The following SLIT2 variants were observed in gnomAD, a reference collection of about 807,000 sequenced individuals.
The protein encoded by SLIT2 is slit homolog 2 protein.
In SLIT2, 41 loss-of-function variants were observed where a neutral mutation model predicts 185.7. The ratio of observed to expected loss-of-function variants is 0.22; its 90% confidence interval spans 0.17 to 0.29. The LOEUF is 0.29. Among genes scored for constraint, SLIT2 ranks in the 10% least tolerant of loss-of-function variants. The probability of loss-of-function intolerance (pLI) is 1.00; values close to 1 mark genes in which losing one functional copy is unlikely to be tolerated. For missense variants in SLIT2, 1,571 were observed against 1,909.0 expected (o/e 0.82, Z 3.30); for synonymous variants, 693 against 680.2 (o/e 1.02, Z -0.29).
At chr4:20,515,824 T>G (rs1720153888) in intron 11 of SLIT2, among the ~76,000 whole-genome samples, 1 of 152,318 alleles carries the variant, frequency 6.6e-6, no homozygotes, top group Non-Finnish European at 1.5e-5. Context: ...TTCTGCCAGC[T>G]TTCTTTTTTG....
chr4:20,617,698 G>T, intron 36 of SLIT2, 48 bp downstream of exon 36: 1 of 1,318,036 alleles, frequency 7.6e-7, no homozygotes. Context: ...AAGCAAGAGG[G>T]GTCCCATGTC....
chr4:20,547,856 A>G (rs551013003), intron 22 of SLIT2, among the ~76,000 whole-genome samples: 8 of 152,144 alleles, frequency 5.3e-5, no homozygotes, highest in Admixed American at 1.3e-4. Flanking sequence ...TAAAAATTCA[A>G]CGTCTCTCCC....
intron 4 of SLIT2, among the ~76,000 whole-genome samples, chr4:20,419,418 A>G (rs979532811): frequency 2.3e-4 from 35 of 152,070 alleles, no homozygotes; most frequent in African/African-American, 8.5e-4. Flanking sequence ...TTCTACCTGG[A>G]TTAATGTGAC....
chr4:20,436,298 G>A (rs781134204), intron 4 of SLIT2, among the ~76,000 whole-genome samples: 1 of 152,166 alleles, frequency 6.6e-6, no homozygotes, highest in Non-Finnish European at 1.5e-5. Flanking sequence ...CTATATGCTT[G>A]TTAGGCAAAC....
intron 4 of SLIT2, among the ~76,000 whole-genome samples, chr4:20,369,962 G>A (rs565614940): frequency 2.0e-4 from 30 of 152,104 alleles, no homozygotes; most frequent in Non-Finnish European, 3.2e-4. Flanking sequence ...CTTTCCTTAC[G>A]TGAATGATTC....
intron 29 of SLIT2, among the ~76,000 whole-genome samples, chr4:20,572,279 C>T (rs761276729): frequency 2.6e-4 from 40 of 152,166 alleles, no homozygotes; most frequent in Admixed American, 1.1e-3. Flanking sequence ...GCATGACTGC[C>T]GATTACTAGT....
chr4:20,501,423 CTA>C (rs1718724694), intron 9 of SLIT2, among the ~76,000 whole-genome samples: 1 of 152,088 alleles, frequency 6.6e-6, no homozygotes, highest in African/African-American at 2.4e-5. Flanking sequence ...GTAGCTGGGA[CTA>C]CAAGTGCATG....
At chr4:20,448,664 G>C (rs1438206087) in intron 4 of SLIT2, among the ~76,000 whole-genome samples, 1 of 150,996 alleles carries the variant, frequency 6.6e-6, no homozygotes. Flanking sequence ...TGTGAGACAG[G>C]GTCTTGCTCT....
intron 8 of SLIT2, among the ~76,000 whole-genome samples, chr4:20,490,361 G>C (rs1717669575): frequency 1.3e-5 from 2 of 151,842 alleles, no homozygotes; most frequent in South Asian, 4.2e-4. Flanking sequence ...GAAGTGGTTT[G>C]ATTACATATA....
intron 3 of SLIT2, among the ~76,000 whole-genome samples, chr4:20,263,621 C>T (rs1370964718): frequency 2.0e-5 from 3 of 151,824 alleles, no homozygotes; most frequent in Admixed American, 6.6e-5. Flanking sequence ...AAATCAGAAA[C>T]GCTAGAAAAG....
At chr4:20,276,676 T>C (rs1312596916) in intron 4 of SLIT2, among the ~76,000 whole-genome samples, 2 of 152,160 alleles carry the variant, frequency 1.3e-5, no homozygotes, top group East Asian at 1.9e-4. Context: ...CCCATCATGA[T>C]AGGTTTCTTC....
At chr4:20,529,136 G>C in intron 16 of SLIT2, 37 bp downstream of exon 16, 1 of 1,515,208 alleles carries the variant, frequency 6.6e-7, no homozygotes, top group Non-Finnish European at 9.0e-7. Context: ...GGTTGGGATG[G>C]AGGGAATGAA....
At chr4:20,279,013 C>G in intron 4 of SLIT2, among the ~76,000 whole-genome samples, 1 of 151,998 alleles carries the variant, frequency 6.6e-6, no homozygotes, top group East Asian at 1.9e-4. Flanking sequence ...TCATACATTC[C>G]TTTTTTGAAA....
At chr4:20,322,437 A>T (rs903077896) in intron 4 of SLIT2, among the ~76,000 whole-genome samples, 1 of 152,172 alleles carries the variant, frequency 6.6e-6, no homozygotes, top group Non-Finnish European at 1.5e-5. Context: ...GATAAGAGAC[A>T]AATGGTTGTC....
intron 33 of SLIT2, among the ~76,000 whole-genome samples, chr4:20,604,630 A>T (rs1728650766): frequency 6.6e-6 from 1 of 151,996 alleles, no homozygotes; most frequent in African/African-American, 2.4e-5. Context: ...TACAGGCGTG[A>T]GCCACTGCGC....
chr4:20,499,377 C>G (rs1179612671), intron 9 of SLIT2, among the ~76,000 whole-genome samples: 1 of 152,106 alleles, frequency 6.6e-6, no homozygotes, highest in Non-Finnish European at 1.5e-5. Flanking sequence ...TACGCTTAAA[C>G]TTTTTGCTTG....
At chr4:20,355,591 C>G (rs1262069245) in intron 4 of SLIT2, among the ~76,000 whole-genome samples, 10 of 152,068 alleles carry the variant, frequency 6.6e-5, no homozygotes, top group Admixed American at 6.6e-4. Context: ...CTAGCAAATG[C>G]AGGTGGTCAT....
chr4:20,595,824 G>A lies in SLIT2; in HGVS notation c.3310G>A (p.Glu1104Lys), dbSNP rs80248215. Residue 1104 changes from glutamate to lysine, a missense_variant, in exon 31 of 37, where the codon GAA (glutamate) becomes AAA (lysine). Glu to Lys is a moderately conservative substitution (Grantham distance 56, BLOSUM62 1). This residue lies in a region of SLIT2 where 1,202 missense variants were observed against 1,416.4 expected (regional missense o/e 0.85). Coordinates refer to ENST00000504154, the MANE Select transcript of SLIT2 (RefSeq NM_004787.4). The stretch of plus-strand genomic sequence containing the variant: ...GAACGGCTATACGTGCATATGCCCC[G>A]AAGGTTACAGGTAAAAGCAGAAATG... ...AVNGYTCICP[E>K]GYSGLFCEFS... is the part of the protein sequence containing the mutation. 1.5e-5 allele frequency: 24 copies of A among 1,613,572 alleles called. No homozygotes were observed. Among genetic ancestry groups the A allele is most frequent in the African/African-American group, 6.7e-5 (5 of 74,998 alleles).
intron 15 of SLIT2, among the ~76,000 whole-genome samples, chr4:20,525,922 C>A (rs556682189): frequency 3.3e-5 from 5 of 152,258 alleles, no homozygotes; most frequent in African/African-American, 1.2e-4. Context: ...AATCGTAACA[C>A]TATCAAGACT....
Sources: allele counts gnomAD v4.1 joint callset (sites outside exome capture counted in the v4.1 genomes callset), GRCh38; gene constraint gnomAD v4.1.1; regional missense constraint gnomAD v4.1.1; transcripts MANE v1.5; gene names NCBI Gene and HGNC (gene_info 2026-07-23, HGNC 2026-07-21).